FAM170B: variants seen among roughly 807,000 people sequenced by gnomAD.
The protein encoded by FAM170B is protein FAM170B.
A neutral mutation model predicts 3.9 loss-of-function variants in FAM170B; 4 were observed. That is an observed-to-expected ratio of 1.01 (90% CI 0.50 to 2.32). The LOEUF (loss-of-function observed/expected upper bound fraction) is 2.32, where lower values mean the gene tolerates loss of function less well. Ranked by LOEUF, FAM170B falls within the 30% of genes most tolerant of loss-of-function variation. The pLI, the probability that FAM170B is intolerant of heterozygous loss-of-function variation, is 0.02. For missense variants in FAM170B, 417 were observed against 368.6 expected (o/e 1.13, Z -1.07); for synonymous variants, 163 against 149.8 (o/e 1.09, Z -0.64).
Position 49,132,330 on chromosome 10 carries a change from C to A in FAM170B, c.135G>T (p.Ser45=). ...FWPGTIQREG[S]SPRPGPAIPR... is the part of the protein sequence containing the mutation. Reference sequence around the variant, plus strand: ...GAATGGCAGGCCCCGGCCGTGGGGACGACCCTTCTCTCTGTATAGTCCCTG... The same window carrying A: ...GAATGGCAGGCCCCGGCCGTGGGGAAGACCCTTCTCTCTGTATAGTCCCTG... The change falls in exon 2 of 2, where the codon TCG becomes TCT. Residue 45 remains serine (S), a synonymous_variant. Coordinates refer to ENST00000311787, the MANE Select transcript of FAM170B (RefSeq NM_001164484.2). 1 of 1,547,686 alleles carries A rather than the reference C, an allele frequency of 6.5e-7. No individual in the cohort carries two copies. The highest frequency in any genetic ancestry group is 1.2e-5 in the South Asian group (1 of 83,638).
At chr10:49,132,470 C>T (rs1845201471) in intron 1 of FAM170B, 118 bp from the exon 2 acceptor site, 2 of 1,088,630 alleles carry the variant, frequency 1.8e-6, no homozygotes, top group Non-Finnish European at 1.3e-6. Flanking sequence ...GCAAACACCG[C>T]CCCCTCTGCC....
At chr10:49,132,397 A>G (rs1845200849) in intron 1 of FAM170B, 45 bp from the exon 2 acceptor site, 1 of 1,472,498 alleles carries the variant, frequency 6.8e-7, no homozygotes, top group African/African-American at 1.4e-5. Flanking sequence ...TTAAGGGATC[A>G]ATGCCACATC....
At chr10:49,132,603 A>G (rs1430655944) in intron 1 of FAM170B, among the ~76,000 whole-genome samples, 1 of 152,228 alleles carries the variant, frequency 6.6e-6, no homozygotes, top group Non-Finnish European at 1.5e-5. Context: ...TAAATGGTGA[A>G]TAACAGAGTT....
rs748529586 is a variant in FAM170B, at chr10:49,131,498, T to C, written c.*115A>G. The C allele has an allele frequency of 7.1e-6, 10 of 1,406,810 alleles. No homozygotes were observed. Among genetic ancestry groups the C allele is most frequent in the Non-Finnish European group, 9.4e-6 (10 of 1,068,654 alleles). 87.1% of individuals were successfully genotyped at this position (1,406,810 alleles called of 1,614,324 possible). ...CTTGCTCTACACTCCATGCCTTTCC[T>C]TCCCCCTGACCCTGGTCCTCTCTCC... is the stretch of plus-strand genomic sequence containing the variant. On this transcript the variant is annotated 3_prime_UTR_variant, in exon 2 of 2. Transcript: ENST00000311787.
Position 49,131,392 on chromosome 10 carries a change from TCG to T in FAM170B, c.*219_*220del. ...GCCATCAGAAACACTCAAAGCCCTC[TCG>T]TTTGGGTTTTGAAATGGACTCTGGT... On this transcript the variant is annotated 3_prime_UTR_variant, in exon 2 of 2. Transcript: ENST00000311787. The T allele has an allele frequency of 1.8e-6, 1 of 545,930 alleles. No individual in the cohort carries two copies. The highest frequency in any genetic ancestry group is 3.0e-6 in the Non-Finnish European group (1 of 327,922). The allele number at this position is 545,930 out of a possible 1,614,324, so 33.8% of individuals were successfully genotyped here.
intron 1 of FAM170B, among the ~76,000 whole-genome samples, chr10:49,133,427 G>A (rs1173933876): frequency 6.6e-6 from 1 of 152,214 alleles, no homozygotes; most frequent in African/African-American, 2.4e-5. Flanking sequence ...GCTGCCCACA[G>A]ACACGTCCCC....
chr10:49,133,476 T>C (rs546960820), intron 1 of FAM170B, among the ~76,000 whole-genome samples: 52 of 152,320 alleles, frequency 3.4e-4, no homozygotes, highest in African/African-American at 1.3e-3. Flanking sequence ...ACTTTCATCA[T>C]TTTGTTATAA....
rs1281340377 is a variant in FAM170B, at chr10:49,133,831, C to G, written c.88G>C (p.Glu30Gln). 6.4e-7 allele frequency: 1 copy of G among 1,551,622 alleles called. No individual in the cohort carries two copies. The highest frequency in any genetic ancestry group is 1.4e-5 in the African/African-American group (1 of 73,046). The change falls in exon 1 of 2, where the codon GAG becomes CAG. Residue 30 changes from glutamate (E) to glutamine (Q), a missense_variant. Glu to Gln is a conservative substitution (Grantham distance 29, BLOSUM62 2). Coordinates refer to ENST00000311787, the MANE Select transcript of FAM170B (RefSeq NM_001164484.2). Reference protein sequence around the residue: ...LSLTSPESTEESVEVFWPGTI... With the variant: ...LSLTSPESTEQSVEVFWPGTI... ...CCTGGCCAGAACACTTCCACACTCT[C>G]CTCAGTGGACTCAGGGCTGGTCAAG...
chr10:49,132,072 C>A lies in FAM170B; in HGVS notation c.393G>T (p.Pro131=). The A allele has an allele frequency of 6.4e-7, 1 of 1,551,680 alleles. No homozygotes were observed. The change falls in exon 2 of 2, where the codon CCG becomes CCT. Residue 131 remains proline (P), a synonymous_variant. Transcript: ENST00000311787. The part of the protein sequence containing the change: ...VAWETEAGFE[P]VTRKPRIHEA... ...CATGGATGCGGGGCTTCCTGGTGAC[C>A]GGCTCGAAGCCGGCCTCCGTCTCCC...
chr10:49,132,805 A>C (rs1845204975), intron 1 of FAM170B, among the ~76,000 whole-genome samples: 1 of 151,590 alleles, frequency 6.6e-6, no homozygotes, highest in Admixed American at 6.6e-5. Flanking sequence ...AAATAAAAGA[A>C]GCCAATTAAA....
In FAM170B at chr10:49,133,278, C is replaced by T. The variant is rs139146402; in HGVS notation, c.112+529G>A. The stretch of plus-strand genomic sequence containing the variant: ...CTGTGTCCCTCTTGCCATGGAAGTG[C>T]TTGCCAAGTTTAATATTCAAAACAA... On this transcript the variant is annotated intron_variant, in intron 1 of 1. Coordinates refer to ENST00000311787, the MANE Select transcript of FAM170B (RefSeq NM_001164484.2). Among the ~76,000 whole-genome samples, 135 of 152,288 alleles carry T rather than the reference C, an allele frequency of 8.9e-4. 1 individual carries two copies. The East Asian group carries it at 0.022, about 24-fold the overall frequency.
rs1013279698 is a variant in FAM170B at position 49,133,656 on chromosome 10, T to A, written c.112+151A>T. ...AGTCACACCAAGTGTCCCATAAATA[T>A]CAATTTCCTTTCCCTCCACATCTAT... On this transcript the variant is annotated intron_variant, in intron 1 of 1. Transcript: ENST00000311787. 6.0e-5 allele frequency: 38 copies of A among 636,796 alleles called. 1 individual carries two copies. Among genetic ancestry groups the A allele is most frequent in the South Asian group, 9.8e-5 (5 of 51,056 alleles). The allele number at this position is 636,796 out of a possible 1,614,324, so 39.4% of individuals were successfully genotyped here. A position where few individuals can be genotyped will look rare whatever the true frequency, so the allele number is the denominator to read the frequency against.
At position 49,131,487 on chromosome 10, in the gene FAM170B, C is replaced by G; in HGVS notation, c.*126G>C. 1 of 1,357,524 alleles carries G rather than the reference C, an allele frequency of 7.4e-7. No homozygotes were observed. The highest frequency in any genetic ancestry group is 9.7e-7 in the Non-Finnish European group (1 of 1,025,726). The allele number at this position is 1,357,524 out of a possible 1,614,324, so 84.1% of individuals were successfully genotyped here. ...TCCTGGCCCTCCTTGCTCTACACTC[C>G]ATGCCTTTCCTTCCCCCTGACCCTG... On this transcript the variant is annotated 3_prime_UTR_variant, in exon 2 of 2. Coordinates refer to ENST00000311787, the MANE Select transcript of FAM170B (RefSeq NM_001164484.2).
intron 1 of FAM170B, 26 bp downstream of exon 1, chr10:49,133,781 C>T (rs376452768): frequency 2.6e-6 from 4 of 1,543,860 alleles, no homozygotes; most frequent in East Asian, 4.9e-5. Flanking sequence ...AGCTGGCTGA[C>T]CTTCCAGGCC....
At position 49,133,937 on chromosome 10, in the gene FAM170B, A is replaced by G. The variant is rs1845218513; in HGVS notation, c.-19T>C. ...ATTTCATGATTTGAAATGAGTGCCC[A>G]GGGTGTCGGTGCTCCAGCTGTTCAG... On this transcript the variant is annotated 5_prime_UTR_variant, in exon 1 of 2. Coordinates refer to ENST00000311787, the MANE Select transcript of FAM170B (RefSeq NM_001164484.2). 1.9e-6 allele frequency: 3 copies of G among 1,539,644 alleles called. No homozygotes were observed. Among genetic ancestry groups the G allele is most frequent in the Admixed American group, 3.9e-5 (2 of 50,966 alleles).
At position 49,133,853 on chromosome 10, in the gene FAM170B, C is replaced by G. The variant is rs1289178346; in HGVS notation, c.66G>C (p.Leu22Phe). The change falls in exon 1 of 2, where the codon TTG (leucine) becomes TTC (phenylalanine). Residue 22 changes from leucine to phenylalanine, a missense_variant. Leu to Phe is a conservative substitution (Grantham distance 22). Transcript: ENST00000311787. ...QSPTDGTTLSLTSPESTEESV... is the reference protein window; with the variant it reads ...QSPTDGTTLSFTSPESTEESV... ...TCTCCTCAGTGGACTCAGGGCTGGT[C>G]AAGCTGAGGGTGGTCCCATCGGTGG... The G allele has an allele frequency of 1.9e-6, 3 of 1,551,724 alleles. No homozygotes were observed. Among genetic ancestry groups the G allele is most frequent in the South Asian group, 2.4e-5 (2 of 84,058 alleles).
Position 49,133,791 on chromosome 10 carries a change from C to G in FAM170B, c.112+16G>C, listed in dbSNP as rs1331879446. On this transcript the variant is annotated intron_variant, in intron 1 of 1. Coordinates refer to ENST00000311787, the MANE Select transcript of FAM170B (RefSeq NM_001164484.2). Reference sequence around the variant, plus strand: ...AGCACAGCTGGCTGACCTTCCAGGCCTTTCTTTTCACCTACCTGGCCAGAA... The same window carrying G: ...AGCACAGCTGGCTGACCTTCCAGGCGTTTCTTTTCACCTACCTGGCCAGAA... 1 of 1,550,058 alleles carries G rather than the reference C, an allele frequency of 6.5e-7. No individual in the cohort carries two copies. The highest frequency in any genetic ancestry group is 8.7e-7 in the Non-Finnish European group (1 of 1,145,798).
At position 49,131,285 on chromosome 10, in the gene FAM170B, AG is replaced by A. The variant is rs1845178149; in HGVS notation, c.*327del. The A allele has an allele frequency of 6.8e-6, 2 of 295,286 alleles. No homozygotes were observed. Among genetic ancestry groups the A allele is most frequent in the Admixed American group, 4.6e-5 (1 of 21,546 alleles). 18.3% of individuals were successfully genotyped at this position (295,286 alleles called of 1,614,324 possible). A position where few individuals can be genotyped will look rare whatever the true frequency, so the allele number is the denominator to read the frequency against. On this transcript the variant is annotated 3_prime_UTR_variant, in exon 2 of 2. Transcript: ENST00000311787. ...GCTGTCCTGTGACCCACATATACTT[AG>A]CAAGTGTGGACCTGCCTGATCCACC...
chr10:49,132,247 C>G lies in FAM170B; in HGVS notation c.218G>C (p.Ser73Thr). Residue 73 changes from serine (S) to threonine (T), a missense_variant, in exon 2 of 2, where the codon AGC becomes ACC. Ser to Thr is a moderately conservative substitution (Grantham distance 58). Coordinates refer to ENST00000311787, the MANE Select transcript of FAM170B (RefSeq NM_001164484.2). Reference protein sequence around the residue: ...ARDRGMRDWSSSPSSESSEYQ... With the variant: ...ARDRGMRDWSTSPSSESSEYQ... ...CTCGGAGGACTCTGAGGATGGGGAG[C>G]TGCTCCAGTCCCGCATCCCCCGGTC... 1 of 1,551,608 alleles carries G rather than the reference C, an allele frequency of 6.4e-7. No individual in the cohort carries two copies. Among genetic ancestry groups the G allele is most frequent in the Non-Finnish European group, 8.7e-7 (1 of 1,147,012 alleles).
Sources: allele counts gnomAD v4.1 joint callset (sites outside exome capture counted in the v4.1 genomes callset), GRCh38; gene constraint gnomAD v4.1.1; transcripts MANE v1.5; gene names NCBI Gene and HGNC (gene_info 2026-07-23, HGNC 2026-07-21).